The following SNX29 variants were observed in gnomAD, a reference collection of about 807,000 sequenced individuals.
SNX29 encodes sorting nexin-29.
A neutral mutation model predicts 102.1 loss-of-function variants in SNX29; 78 were observed. The ratio of observed to expected loss-of-function variants is 0.76; its 90% confidence interval spans 0.64 to 0.92. The LOEUF (loss-of-function observed/expected upper bound fraction) is 0.92, where lower values mean the gene tolerates loss of function less well. Among genes scored for constraint, SNX29 ranks in the 40% least tolerant of loss-of-function variants. The probability of loss-of-function intolerance (pLI) is 0.00; values close to 1 mark genes in which losing one functional copy is unlikely to be tolerated. For synonymous variants in SNX29, 580 were observed against 414.5 expected (o/e 1.40, Z -4.85); for missense variants, 1,280 against 1,061.7 (o/e 1.21, Z -2.86).
intron 3 of SNX29, among the ~76,000 whole-genome samples, chr16:12,007,050 G>T (rs946994573): frequency 3.3e-5 from 5 of 151,898 alleles, no homozygotes; most frequent in African/African-American, 9.7e-5. Flanking sequence ...GTGACTAAAT[G>T]GTTTTTGAGG....
chr16:12,177,046 C>G (rs2076276305), intron 13 of SNX29, among the ~76,000 whole-genome samples: 2 of 152,134 alleles, frequency 1.3e-5, no homozygotes, highest in Non-Finnish European at 2.9e-5. Flanking sequence ...CTCCTGGGAT[C>G]AAGCAATCCT....
rs1181639969 is a variant in SNX29 at position 12,570,201 on chromosome 16, A to C, written c.*1572A>C. The C allele has an allele frequency of 1.9e-6, 2 of 1,064,918 alleles. No individual in the cohort carries two copies. The highest frequency in any genetic ancestry group is 2.3e-6 in the Non-Finnish European group (2 of 878,970). The allele number at this position is 1,064,918 out of a possible 1,614,324, so 66.0% of individuals were successfully genotyped here. A position where few individuals can be genotyped will look rare whatever the true frequency, so the allele number is the denominator to read the frequency against. On this transcript the variant is annotated 3_prime_UTR_variant, in exon 21 of 21. Coordinates refer to ENST00000566228, the MANE Select transcript of SNX29 (RefSeq NM_032167.5). ...AACCGAGTCAGCCTACATGACTTCC[A>C]AGGGGACCTGGGGCCAGATAAGCCC...
chr16:12,213,705 A>G (rs538019165), intron 14 of SNX29, among the ~76,000 whole-genome samples: 1 of 152,334 alleles, frequency 6.6e-6, no homozygotes, highest in South Asian at 2.1e-4. Flanking sequence ...AAACCTTTTC[A>G]AAAGCTTTTC....
chr16:12,228,146 A>C (rs1261271503), intron 14 of SNX29, among the ~76,000 whole-genome samples: 1 of 152,214 alleles, frequency 6.6e-6, no homozygotes, highest in Non-Finnish European at 1.5e-5. Context: ...TTACCGTCTC[A>C]GAGTCTGCAC....
chr16:12,129,796 G>C, intron 13 of SNX29, 38 bp downstream of exon 13: 2 of 1,562,432 alleles, frequency 1.3e-6, no homozygotes, highest in Non-Finnish European at 1.7e-6. Flanking sequence ...AAGCACGTGG[G>C]GGCTTCATTA....
chr16:12,271,401 A>G (rs554073801), intron 14 of SNX29, among the ~76,000 whole-genome samples: 3 of 152,314 alleles, frequency 2.0e-5, no homozygotes, highest in Non-Finnish European at 4.4e-5. Context: ...TGAACAAGAA[A>G]GGCAACCTCA....
intron 14 of SNX29, among the ~76,000 whole-genome samples, chr16:12,203,420 T>G (rs1302879441): frequency 6.6e-6 from 1 of 151,896 alleles, no homozygotes; most frequent in African/African-American, 2.4e-5. Flanking sequence ...GATGGACTGG[T>G]GGCATTGGAG....
intron 14 of SNX29, among the ~76,000 whole-genome samples, chr16:12,260,928 G>A (rs1057000240): frequency 4.7e-5 from 7 of 148,972 alleles, no homozygotes; most frequent in Admixed American, 1.3e-4. Context: ...GTCAGTGCAC[G>A]CGCCCCCGGC....
intron 11 of SNX29, among the ~76,000 whole-genome samples, chr16:12,101,385 T>A (rs1423616167): frequency 1.4e-5 from 2 of 139,932 alleles, no homozygotes; most frequent in Non-Finnish European, 3.0e-5. Flanking sequence ...CCCCCAATTT[T>A]ATTTTTTTTT....
intron 20 of SNX29, among the ~76,000 whole-genome samples, chr16:12,558,781 C>T (rs1185754264): frequency 6.6e-6 from 1 of 152,250 alleles, no homozygotes; most frequent in Admixed American, 6.5e-5. Context: ...CATTGTACAA[C>T]CTGAAGCAGT....
intron 14 of SNX29, among the ~76,000 whole-genome samples, chr16:12,247,739 A>G (rs933691983): frequency 6.6e-6 from 1 of 152,158 alleles, no homozygotes; most frequent in African/African-American, 2.4e-5. Context: ...CTAGTTTTTA[A>G]TTTTTTTAAA....
intron 15 of SNX29, among the ~76,000 whole-genome samples, chr16:12,281,510 A>G (rs1413618498): frequency 2.0e-5 from 3 of 152,236 alleles, no homozygotes; most frequent in African/African-American, 4.8e-5. Context: ...TTGTTAACTC[A>G]GGAAAACAAG....
At chr16:12,058,794 TG>T (rs2050635335) in intron 8 of SNX29, among the ~76,000 whole-genome samples, 1 of 122,972 alleles carries the variant, frequency 8.1e-6, no homozygotes, top group African/African-American at 3.3e-5. Context: ...GCACCCGGCC[TG>T]GGTTTTTTTT....
At chr16:12,556,493 G>C (rs778275690) in intron 20 of SNX29, 1 of 152,316 alleles carries the variant, frequency 6.6e-6, no homozygotes, top group Non-Finnish European at 1.5e-5. Flanking sequence ...GTTAGGGCAT[G>C]GCAGGCAGTC....
chr16:12,125,437 G>A (rs555681384), intron 11 of SNX29, among the ~76,000 whole-genome samples: 7 of 151,992 alleles, frequency 4.6e-5, no homozygotes, highest in East Asian at 1.9e-4. Flanking sequence ...CAGGTGCCTC[G>A]TCCAAGAGGC....
chr16:12,549,528 C>T (rs905672294), intron 20 of SNX29, among the ~76,000 whole-genome samples: 28 of 67,668 alleles, frequency 4.1e-4, no homozygotes, highest in African/African-American at 3.5e-3. Context: ...CATCCTCTAT[C>T]TCAAATAGCC....
chr16:12,172,606 G>T (rs941929206), intron 13 of SNX29, among the ~76,000 whole-genome samples: 2 of 152,164 alleles, frequency 1.3e-5, no homozygotes, highest in African/African-American at 2.4e-5. Flanking sequence ...AATGTTGAAG[G>T]ATTAAATGAA....
intron 14 of SNX29, among the ~76,000 whole-genome samples, chr16:12,240,472 T>C (rs927675289): frequency 6.6e-6 from 1 of 152,184 alleles, no homozygotes. Flanking sequence ...GTCAGTTTTT[T>C]AGTATTGAGT....
intron 8 of SNX29, among the ~76,000 whole-genome samples, chr16:12,054,452 G>A (rs753744812): frequency 1.3e-5 from 2 of 152,244 alleles, no homozygotes; most frequent in East Asian, 1.9e-4. Context: ...CAGTAAAGGC[G>A]ATAGCCCTCC....
Sources: gnomAD v4.1 joint callset for allele counts (sites outside exome capture counted in the v4.1 genomes callset) on GRCh38, gnomAD v4.1.1 for gene constraint, MANE v1.5 for transcripts, NCBI Gene and HGNC (gene_info 2026-07-23, HGNC 2026-07-21) for gene names.